The following RTN4RL2 variants were observed in gnomAD, a reference collection of about 807,000 sequenced individuals.
RTN4RL2 encodes reticulon 4 receptor like 2.
In RTN4RL2, 9 loss-of-function variants were observed where a neutral mutation model predicts 27.8. The observed-to-expected ratio is 0.32, with a 90% CI of 0.20 to 0.57. RTN4RL2 has a LOEUF of 0.57. RTN4RL2 is among the 20% of genes least tolerant of loss of function. RTN4RL2 has a pLI of 0.90. For missense variants in RTN4RL2, 436 were observed against 596.8 expected (o/e 0.73, Z 2.81); for synonymous variants, 285 against 297.9 (o/e 0.96, Z 0.45).
chr11:57,472,198 G>T (rs1303112331), intron 2 of RTN4RL2, among the ~76,000 whole-genome samples: 1 of 124,172 alleles, frequency 8.1e-6, no homozygotes, highest in East Asian at 3.8e-4. Flanking sequence ...GGCCTGCATG[G>T]TTTTTGTTTG....
intron 2 of RTN4RL2, among the ~76,000 whole-genome samples, chr11:57,468,389 A>C (rs1258480488): frequency 6.8e-6 from 1 of 148,110 alleles, no homozygotes; most frequent in Non-Finnish European, 1.5e-5. Context: ...ATCCCTTTCC[A>C]TCCATCACTG....
At position 57,476,509 on chromosome 11, in the gene RTN4RL2, C is replaced by T; in HGVS notation, c.861C>T (p.Thr287=). ...QRARVSSSDV[T]CATPPERQGR... is the part of the protein sequence containing the mutation. ...CGCGCGTGTCCAGCTCCGACGTGACCTGCGCCACCCCCCCGGAGCGCCAGG... is the reference window on the plus strand; with the variant it reads ...CGCGCGTGTCCAGCTCCGACGTGACTTGCGCCACCCCCCCGGAGCGCCAGG... The change falls in exon 3 of 3, where the codon ACC becomes ACT. Residue 287 remains threonine (T), a synonymous_variant. Transcript: ENST00000335099. The surrounding 1 kb of genome is among the most constrained non-coding windows in gnomAD (Gnocchi z 8.2). The T allele has an allele frequency of 1.4e-6, 2 of 1,476,466 alleles. No individual in the cohort carries two copies. Among genetic ancestry groups the T allele is most frequent in the African/African-American group, 1.5e-5 (1 of 68,026 alleles). 91.5% of individuals were successfully genotyped at this position (1,476,466 alleles called of 1,614,324 possible).
intron 2 of RTN4RL2, chr11:57,468,472 G>A (rs757791360): frequency 2.3e-4 from 284 of 1,213,100 alleles, no homozygotes; most frequent in Non-Finnish European, 3.2e-4. Context: ...CACCCACTCC[G>A]CATACACCCC....
At chr11:57,460,959 T>A in intron 1 of RTN4RL2, 63 bp downstream of exon 1, 1 of 1,108,870 alleles carries the variant, frequency 9.0e-7, no homozygotes, top group Non-Finnish European at 1.2e-6. Flanking sequence ...GCGTCCCCTC[T>A]TTCAGGGATT....
chr11:57,461,624 GA>G (rs1943486393), intron 1 of RTN4RL2, among the ~76,000 whole-genome samples: 1 of 151,372 alleles, frequency 6.6e-6, no homozygotes, highest in South Asian at 2.1e-4. Flanking sequence ...GGAAGGAGAG[GA>G]AAGACCAGAT....
intron 1 of RTN4RL2, among the ~76,000 whole-genome samples, chr11:57,466,064 G>A (rs1352682423): frequency 7.0e-6 from 1 of 142,684 alleles, no homozygotes; most frequent in Admixed American, 7.4e-5. Context: ...GCAGTGGTGC[G>A]ATCTCGGCTC....
chr11:57,468,520 G>A, intron 2 of RTN4RL2: 1 of 1,507,932 alleles, frequency 6.6e-7, no homozygotes, highest in South Asian at 1.2e-5. Context: ...CTCTTTCTGT[G>A]ATCTCACGTG....
chr11:57,472,266 T>C (rs1943567478), intron 2 of RTN4RL2, among the ~76,000 whole-genome samples: 1 of 151,980 alleles, frequency 6.6e-6, no homozygotes, highest in African/African-American at 2.4e-5. Context: ...CCAGCTGGAG[T>C]GCAGTGGCGC....
At chr11:57,475,147 C>T (rs1281024963) in intron 2 of RTN4RL2, among the ~76,000 whole-genome samples, 1 of 152,202 alleles carries the variant, frequency 6.6e-6, no homozygotes, top group Non-Finnish European at 1.5e-5. Context: ...CTGCCAGATA[C>T]TGTACCCTTA....
At position 57,467,169 on chromosome 11, in the gene RTN4RL2, C is replaced by T. The variant is rs1282681006; in HGVS notation, c.32-440C>T. ...GAGGCTATAACGTTGTCCCCTGAGC[C>T]CCCAGACATGGGAGCACCAGGGCTC... On this transcript the variant is annotated intron_variant, in intron 1 of 2. Transcript: ENST00000335099. This position sits in a 1 kb window ranked among gnomAD's most constrained non-coding sequence, Gnocchi z 5.5. 6.6e-6 allele frequency among the ~76,000 whole-genome samples: 1 copy of T among 152,178 alleles called. No individual in the cohort carries two copies. The highest frequency in any genetic ancestry group is 1.5e-5 in the Non-Finnish European group (1 of 68,034).
Position 57,467,676 on chromosome 11 carries a change from G to A in RTN4RL2, c.99G>A (p.Met33Ile). 6.2e-7 allele frequency: 1 copy of A among 1,611,490 alleles called. No individual in the cohort carries two copies. Among genetic ancestry groups the A allele is most frequent in the Non-Finnish European group, 8.5e-7 (1 of 1,179,868 alleles). ...ALPLAAPSCP[M>I]LCTCYSSPPT... ...CCCTGGCGGCCCCCAGCTGCCCCAT[G>A]CTCTGCACCTGCTACTCATCCCCGC... The change falls in exon 2 of 3, where the codon ATG becomes ATA. Residue 33 changes from methionine to isoleucine, a missense_variant. Met to Ile is a conservative substitution (Grantham distance 10, BLOSUM62 1). Coordinates refer to ENST00000335099, the MANE Select transcript of RTN4RL2 (RefSeq NM_178570.3). The surrounding 1 kb of genome is among the most constrained non-coding windows in gnomAD (Gnocchi z 5.5).
chr11:57,474,392 C>A (rs969072603), intron 2 of RTN4RL2, among the ~76,000 whole-genome samples: 4 of 152,054 alleles, frequency 2.6e-5, no homozygotes, highest in African/African-American at 9.7e-5. Flanking sequence ...GGCTGGGAGT[C>A]AATGCCCTCC....
chr11:57,476,822 G>C lies in RTN4RL2; in HGVS notation c.1174G>C (p.Ala392Pro), dbSNP rs1380866634. 1.3e-6 allele frequency: 2 copies of C among 1,550,368 alleles called. No individual in the cohort carries two copies. Among genetic ancestry groups the C allele is most frequent in the Non-Finnish European group, 1.7e-6 (2 of 1,155,040 alleles). The change falls in exon 3 of 3, where the codon GCG (alanine) becomes CCG (proline). Residue 392 changes from alanine (A) to proline (P), a missense_variant. By Grantham distance (27) the Ala-to-Pro change is conservative. Around this residue, in one of 3 missense-constraint regions of RTN4RL2, gnomAD observed 60 missense variants for 43.0 expected, o/e 1.40. Transcript: ENST00000335099. The surrounding 1 kb of genome is among the most constrained non-coding windows in gnomAD (Gnocchi z 8.2). ...EQMCPGAACQ[A>P]PPDSRGPALS... ...GATGTGCCCCGGCGCTGCCTGCCAGGCGCCCCCGGACTCCCGAGGCCCTGC... is the reference window on the plus strand; with the variant it reads ...GATGTGCCCCGGCGCTGCCTGCCAGCCGCCCCCGGACTCCCGAGGCCCTGC...
intron 2 of RTN4RL2, among the ~76,000 whole-genome samples, chr11:57,470,795 G>A (rs534980489): frequency 1.3e-5 from 2 of 152,202 alleles, no homozygotes; most frequent in African/African-American, 2.4e-5. Flanking sequence ...TTGAATCCCC[G>A]ATCTACTATT....
chr11:57,465,301 C>A (rs548886398), intron 1 of RTN4RL2, among the ~76,000 whole-genome samples: 1 of 152,366 alleles, frequency 6.6e-6, no homozygotes, highest in South Asian at 2.1e-4. Context: ...TACATACACA[C>A]ATTCACGCAC....
intron 1 of RTN4RL2, among the ~76,000 whole-genome samples, chr11:57,462,523 C>T (rs187372509): frequency 3.0e-4 from 45 of 152,332 alleles, no homozygotes; most frequent in Non-Finnish European, 5.4e-4. Flanking sequence ...TCTGCACCAG[C>T]GACTCTGCCC....
chr11:57,476,222 C>G lies in RTN4RL2; in HGVS notation c.574C>G (p.Arg192Gly). The stretch of plus-strand genomic sequence containing the variant: ...CCTCTTCCTCCACGGGAACCGCCTG[C>G]GGCTGCTCACAGAGCACGTGTTTCG... ...SHLFLHGNRL[R>G]LLTEHVFRGL... is the part of the protein sequence containing the mutation. Residue 192 changes from arginine (R) to glycine (G), a missense_variant, in exon 3 of 3, where the codon CGG becomes GGG. Around this residue, in one of 3 missense-constraint regions of RTN4RL2, gnomAD observed 365 missense variants for 530.5 expected, o/e 0.69. Transcript: ENST00000335099. The surrounding 1 kb of genome is among the most constrained non-coding windows in gnomAD (Gnocchi z 8.2). 1 of 1,612,144 alleles carries G rather than the reference C, an allele frequency of 6.2e-7. No homozygotes were observed. The highest frequency in any genetic ancestry group is 8.5e-7 in the Non-Finnish European group (1 of 1,179,292).
At chr11:57,472,606 A>G (rs1177188809) in intron 2 of RTN4RL2, among the ~76,000 whole-genome samples, 1 of 152,226 alleles carries the variant, frequency 6.6e-6, no homozygotes, top group Non-Finnish European at 1.5e-5. Flanking sequence ...GGCTTTGTGC[A>G]AGTTATTTAA....
chr11:57,476,970 C>T lies in RTN4RL2; in HGVS notation c.*59C>T. 1 of 1,479,272 alleles carries T rather than the reference C, an allele frequency of 6.8e-7. No individual in the cohort carries two copies. The highest frequency in any genetic ancestry group is 1.3e-5 in the South Asian group (1 of 76,844). 91.6% of individuals were successfully genotyped at this position (1,479,272 alleles called of 1,614,324 possible). A position where few individuals can be genotyped will look rare whatever the true frequency, so the allele number is the denominator to read the frequency against. Reference sequence around the variant, plus strand: ...ATCCCCGCTTCCCGTCCACCCGGGGCTGCGGCTCCGGCCCCAGTCGCCCCA... The same window carrying T: ...ATCCCCGCTTCCCGTCCACCCGGGGTTGCGGCTCCGGCCCCAGTCGCCCCA... On this transcript the variant is annotated 3_prime_UTR_variant, in exon 3 of 3. Coordinates refer to ENST00000335099, the MANE Select transcript of RTN4RL2 (RefSeq NM_178570.3). This position sits in a 1 kb window ranked among gnomAD's most constrained non-coding sequence, Gnocchi z 8.2.
Sources: gnomAD v4.1 joint callset for allele counts (sites outside exome capture counted in the v4.1 genomes callset) on GRCh38, gnomAD v4.1.1 for gene constraint, gnomAD v4.1.1 regional missense constraint, Gnocchi (gnomAD v3.1) non-coding constraint, MANE v1.5 for transcripts, NCBI Gene and HGNC (gene_info 2026-07-23, HGNC 2026-07-21) for gene names.